The following ZNF652 variants were observed in gnomAD, a reference collection of about 807,000 sequenced individuals.
ZNF652 encodes zinc finger protein 652.
ZNF652 carries 16 observed loss-of-function variants against 45.2 expected under a neutral mutation model. That is an observed-to-expected ratio of 0.35 (90% CI 0.24 to 0.54). The LOEUF is 0.54. ZNF652 is among the 20% of genes least tolerant of loss of function. ZNF652 has a pLI of 0.91. For missense variants in ZNF652, 614 were observed against 765.6 expected (o/e 0.80, Z 2.34); for synonymous variants, 250 against 260.6 (o/e 0.96, Z 0.39).
At chr17:49,351,028 C>CTGT (rs1567700362) in intron 1 of ZNF652, among the ~76,000 whole-genome samples, 3,902 of 98,768 alleles carry the variant, frequency 0.04, 159 homozygotes, top group Non-Finnish European at 0.053. Context: ...CACACACACA[C>CTGT]ACACACACAC....
At chr17:49,312,590 G>T in intron 3 of ZNF652, 108 bp downstream of exon 3, 1 of 1,274,512 alleles carries the variant, frequency 7.8e-7, no homozygotes, top group Non-Finnish European at 1.1e-6. Context: ...GTTTCAACAT[G>T]TCAAAACTGA....
chr17:49,327,768 TATATATA>T (rs1246347825), intron 1 of ZNF652, among the ~76,000 whole-genome samples: 3 of 5,686 alleles, frequency 5.3e-4, no homozygotes, highest in South Asian at 3.0e-3. Context: ...TATATATATA[TATATATA>T]TATATTTTTT....
intron 2 of ZNF652, among the ~76,000 whole-genome samples, chr17:49,313,374 A>G (rs769691574): frequency 6.6e-6 from 1 of 151,682 alleles, no homozygotes; most frequent in Non-Finnish European, 1.5e-5. Context: ...GGCCAGGGTG[A>G]TCTCGATCTT....
At position 49,317,901 on chromosome 17, in the gene ZNF652, A is replaced by G. The variant is rs1282785644; in HGVS notation, c.-176T>C. 6.3e-5 allele frequency: 45 copies of G among 710,158 alleles called. No homozygotes were observed. Among genetic ancestry groups the G allele is most frequent in the Non-Finnish European group, 1.9e-5 (9 of 463,852 alleles). 44.0% of individuals were successfully genotyped at this position (710,158 alleles called of 1,614,324 possible). On this transcript the variant is annotated 5_prime_UTR_variant, in exon 2 of 6. Transcript: ENST00000430262. ...TGTTGCAGCACCAAAGCATGAGTCA[A>G]AAAGGTTTGGTATTATGGCAAGAGC...
intron 1 of ZNF652, among the ~76,000 whole-genome samples, chr17:49,342,930 G>A (rs529704774): frequency 1.3e-5 from 2 of 148,344 alleles, no homozygotes; most frequent in South Asian, 4.3e-4. Flanking sequence ...CACCCAGTCT[G>A]GAGTGCAGTG....
At chr17:49,354,140 T>C (rs1207067982) in intron 1 of ZNF652, among the ~76,000 whole-genome samples, 1 of 152,176 alleles carries the variant, frequency 6.6e-6, no homozygotes, top group Non-Finnish European at 1.5e-5. Context: ...CTACTATGCA[T>C]ATCATTTCCA....
chr17:49,321,124 G>C (rs1401827027), intron 1 of ZNF652, among the ~76,000 whole-genome samples: 1 of 152,194 alleles, frequency 6.6e-6, no homozygotes, highest in African/African-American at 2.4e-5. Flanking sequence ...GAGAGGCAGG[G>C]CATTTACTAA....
At position 49,297,732 on chromosome 17, in the gene ZNF652, T is replaced by C. The variant is rs560807846; in HGVS notation, c.*681A>G. 6.5e-6 allele frequency: 1 copy of C among 152,800 alleles called. No individual in the cohort carries two copies. The highest frequency in any genetic ancestry group is 2.4e-5 in the African/African-American group (1 of 41,584). 9.5% of individuals were successfully genotyped at this position (152,800 alleles called of 1,614,324 possible). ...ACATTTTGATGATTATAAAAATTTT[T>C]TTCTATTTTACAACATAGGTTCAGC... On this transcript the variant is annotated 3_prime_UTR_variant, in exon 6 of 6. Transcript: ENST00000430262.
chr17:49,334,955 G>A (rs1301466692), intron 1 of ZNF652, among the ~76,000 whole-genome samples: 1 of 152,066 alleles, frequency 6.6e-6, no homozygotes, highest in Admixed American at 6.6e-5. Context: ...TCATTAACAG[G>A]AGCTGGGAGT....
At chr17:49,360,078 C>G (rs925082389) in intron 1 of ZNF652, among the ~76,000 whole-genome samples, 2 of 152,150 alleles carry the variant, frequency 1.3e-5, no homozygotes, top group African/African-American at 4.8e-5. Context: ...TATTTTGACT[C>G]TAGTTTTAAC....
chr17:49,342,552 AAAGG>A (rs1377240333), intron 1 of ZNF652, among the ~76,000 whole-genome samples: 2 of 4,784 alleles, frequency 4.2e-4, no homozygotes, highest in African/African-American at 1.1e-3. Context: ...GATAACAGAT[AAAGG>A]GGGGGGGGGG....
chr17:49,339,728 T>G (rs1172814984), intron 1 of ZNF652, among the ~76,000 whole-genome samples: 6 of 152,218 alleles, frequency 3.9e-5, no homozygotes, highest in African/African-American at 7.2e-5. Flanking sequence ...GGAATTTTTT[T>G]TGTGTATTTT....
At chr17:49,356,459 CAAAAAA>C (rs59499602) in intron 1 of ZNF652, among the ~76,000 whole-genome samples, 1 of 123,122 alleles carries the variant, frequency 8.1e-6, no homozygotes, top group African/African-American at 3.1e-5. Flanking sequence ...AAATCAAAAC[CAAAAAA>C]AAAACAAAAA....
In ZNF652 at chr17:49,298,587, G is replaced by T. The variant is rs769679899; in HGVS notation, c.1647C>A (p.His549Gln). The T allele has an allele frequency of 6.2e-7, 1 of 1,612,030 alleles. No homozygotes were observed. The highest frequency in any genetic ancestry group is 1.1e-5 in the South Asian group (1 of 90,898). ...GGTGAGGGTGTGGGTGGATGTGCAG[G>T]TGTGAGAAGGGGTGGGGGATGGGCC... ...PPRPIPHPFS[H>Q]LHIHPHPHHP... Residue 549 changes from histidine (H) to glutamine (Q), a missense_variant, in exon 6 of 6, where the codon CAC (histidine) becomes CAA (glutamine). Transcript: ENST00000430262.
At chr17:49,353,610 C>A (rs1239796814) in intron 1 of ZNF652, among the ~76,000 whole-genome samples, 1 of 151,870 alleles carries the variant, frequency 6.6e-6, no homozygotes, top group Non-Finnish European at 1.5e-5. Flanking sequence ...GTGTTTTTTT[C>A]AAAGTGCCCA....
intron 2 of ZNF652, 151 bp from the exon 3 acceptor site, chr17:49,312,996 C>T: frequency 3.0e-6 from 2 of 668,214 alleles, no homozygotes; most frequent in South Asian, 5.0e-5. Context: ...ATTCCAACAC[C>T]AACATCTGTA....
intron 1 of ZNF652, among the ~76,000 whole-genome samples, chr17:49,359,401 G>A (rs2070370229): frequency 6.6e-6 from 1 of 152,148 alleles, no homozygotes; most frequent in African/African-American, 2.4e-5. Context: ...TATGGAACAG[G>A]TTCTATAGGC....
At chr17:49,333,091 T>C (rs2070041694) in intron 1 of ZNF652, among the ~76,000 whole-genome samples, 2 of 151,468 alleles carry the variant, frequency 1.3e-5, no homozygotes, top group Admixed American at 6.6e-5. Flanking sequence ...AGAGTCTCGC[T>C]CTGTCGCCCA....
intron 1 of ZNF652, among the ~76,000 whole-genome samples, chr17:49,359,350 T>C (rs1465847348): frequency 1.3e-5 from 2 of 152,148 alleles, no homozygotes; most frequent in Non-Finnish European, 2.9e-5. Context: ...ACTTATAGGG[T>C]ATGCTGCATA....
Sources: allele counts gnomAD v4.1 joint callset (sites outside exome capture counted in the v4.1 genomes callset), GRCh38; gene constraint gnomAD v4.1.1; transcripts MANE v1.5; gene names NCBI Gene and HGNC (gene_info 2026-07-23, HGNC 2026-07-21).